TRPC4: variants seen among roughly 807,000 people sequenced by gnomAD.
TRPC4 encodes the protein transient receptor potential cation channel subfamily C member 4.
A neutral mutation model predicts 99.4 loss-of-function variants in TRPC4; 49 were observed. The observed-to-expected ratio is 0.49, with a 90% confidence interval of 0.39 to 0.63. The LOEUF (loss-of-function observed/expected upper bound fraction) is 0.63. TRPC4 is among the 20% of genes least tolerant of loss of function. The pLI is 0.00. For synonymous variants in TRPC4, 454 were observed against 425.9 expected (o/e 1.07, Z -0.81); for missense variants, 898 against 1,152.9 (o/e 0.78, Z 3.20).
intron 1 of TRPC4, among the ~76,000 whole-genome samples, chr13:37,832,195 A>G (rs1244847665): frequency 6.6e-6 from 1 of 152,184 alleles, no homozygotes; most frequent in Non-Finnish European, 1.5e-5. Flanking sequence ...ATAATTTTTT[A>G]AATGACACGA....
intron 2 of TRPC4, among the ~76,000 whole-genome samples, chr13:37,763,437 G>A (rs1185125852): frequency 6.6e-6 from 1 of 151,428 alleles, no homozygotes; most frequent in Non-Finnish European, 1.5e-5. Context: ...AAGAATTGGG[G>A]AGCTTGTTGA....
chr13:37,703,394 T>G (rs1954164124), intron 3 of TRPC4, among the ~76,000 whole-genome samples: 1 of 152,128 alleles, frequency 6.6e-6, no homozygotes, highest in Admixed American at 6.6e-5. Flanking sequence ...TAGCATAATT[T>G]AAGATTTAGA....
chr13:37,640,275 C>T (rs1438906695), intron 8 of TRPC4, among the ~76,000 whole-genome samples: 1 of 151,974 alleles, frequency 6.6e-6, no homozygotes, highest in Non-Finnish European at 1.5e-5. Context: ...GCTCTTGTTC[C>T]TTAATAAATA....
Position 37,783,214 on chromosome 13 carries a change from C to T in TRPC4, c.120G>A (p.Val40=). 1.2e-6 allele frequency: 2 copies of T among 1,613,646 alleles called. No individual in the cohort carries two copies. The highest frequency in any genetic ancestry group is 1.7e-6 in the Non-Finnish European group (2 of 1,179,752). ...SPSEKAYLNA[V]EKGDYASVKK... is the part of the protein sequence containing the mutation. ...TGACACTGGCATAATCTCCCTTTTC[C>T]ACAGCATTCAAGTAGGCTTTTTCTG... The change falls in exon 2 of 11, where the codon GTG becomes GTA. Residue 40 remains valine, a synonymous_variant. Coordinates refer to ENST00000379705, the MANE Select transcript of TRPC4 (RefSeq NM_016179.4).
At chr13:37,859,796 C>T (rs1959215333) in intron 1 of TRPC4, among the ~76,000 whole-genome samples, 1 of 151,250 alleles carries the variant, frequency 6.6e-6, no homozygotes, top group Admixed American at 6.6e-5. Context: ...TCTAGAAAAA[C>T]ATCTGTGATA....
At chr13:37,665,053 A>T (rs1326047494) in intron 5 of TRPC4, among the ~76,000 whole-genome samples, 1 of 149,242 alleles carries the variant, frequency 6.7e-6, no homozygotes, top group Non-Finnish European at 1.5e-5. Flanking sequence ...CTGAAGATAT[A>T]AAAAAAAAAG....
At chr13:37,783,491 G>GT (rs113002348) in intron 1 of TRPC4, 131 bp from the exon 2 acceptor site, 11,956 of 524,060 alleles carry the variant, frequency 0.023, no homozygotes, top group Middle Eastern at 0.031. Flanking sequence ...AAGAGTTAAG[G>GT]TTTTTTTTTT....
At chr13:37,777,347 C>T (rs1956733814) in intron 2 of TRPC4, among the ~76,000 whole-genome samples, 1 of 151,860 alleles carries the variant, frequency 6.6e-6, no homozygotes, top group Admixed American at 6.6e-5. Context: ...GCAAGCATGT[C>T]TTCACACGGC....
Position 37,869,666 on chromosome 13 carries a change from A to G in TRPC4, c.-99T>C, listed in dbSNP as rs1434726013. ...GACGGCGCGGGTGCCGTGCGGGGTGAGAGCACGCCCGGCAAATTCCAATGG... is the reference window on the plus strand; with the variant it reads ...GACGGCGCGGGTGCCGTGCGGGGTGGGAGCACGCCCGGCAAATTCCAATGG... On this transcript the variant is annotated 5_prime_UTR_variant, in exon 1 of 11. Coordinates refer to ENST00000379705, the MANE Select transcript of TRPC4 (RefSeq NM_016179.4). 3 of 152,288 alleles carry G rather than the reference A, an allele frequency of 2.0e-5. No individual in the cohort carries two copies. The highest frequency in any genetic ancestry group is 7.2e-5 in the African/African-American group (3 of 41,452). 9.4% of individuals were successfully genotyped at this position (152,288 alleles called of 1,614,324 possible).
chr13:37,692,784 A>C (rs1953761554), intron 3 of TRPC4, among the ~76,000 whole-genome samples: 1 of 152,190 alleles, frequency 6.6e-6, no homozygotes. Context: ...TACTTTTAAC[A>C]ATTTTCTATA....
At chr13:37,774,691 T>A (rs2139307577) in intron 2 of TRPC4, among the ~76,000 whole-genome samples, 1 of 151,784 alleles carries the variant, frequency 6.6e-6, no homozygotes, top group South Asian at 2.1e-4. Context: ...TGTGTGTCGT[T>A]CTACTCTATG....
chr13:37,827,624 C>T (rs1219503124), intron 1 of TRPC4, among the ~76,000 whole-genome samples: 1 of 152,000 alleles, frequency 6.6e-6, no homozygotes, highest in African/African-American at 2.4e-5. Context: ...AGGCAGTCTG[C>T]CCATTCTCAG....
intron 6 of TRPC4, among the ~76,000 whole-genome samples, chr13:37,658,938 G>GA (rs888525729): frequency 2.0e-5 from 3 of 151,352 alleles, no homozygotes; most frequent in African/African-American, 4.9e-5. Flanking sequence ...GTAGGATTTG[G>GA]AAAAAAAAAT....
intron 8 of TRPC4, among the ~76,000 whole-genome samples, chr13:37,650,474 T>C (rs1952004315): frequency 6.6e-6 from 1 of 152,090 alleles, no homozygotes; most frequent in South Asian, 2.1e-4. Flanking sequence ...TGGAATTGCT[T>C]GAAACCCTGA....
intron 1 of TRPC4, among the ~76,000 whole-genome samples, chr13:37,845,508 A>C (rs556585803): frequency 6.6e-6 from 1 of 152,212 alleles, no homozygotes; most frequent in African/African-American, 2.4e-5. Context: ...GAATACAAAA[A>C]GTGAACTAAA....
chr13:37,799,607 A>G (rs552164682), intron 1 of TRPC4, among the ~76,000 whole-genome samples: 4 of 152,300 alleles, frequency 2.6e-5, no homozygotes, highest in Non-Finnish European at 5.9e-5. Context: ...ATTAAGATGC[A>G]ATTTGTTAAA....
At chr13:37,824,088 T>C (rs1333609551) in intron 1 of TRPC4, among the ~76,000 whole-genome samples, 1 of 148,742 alleles carries the variant, frequency 6.7e-6, no homozygotes, top group Non-Finnish European at 1.5e-5. Flanking sequence ...GTTGTTGGTG[T>C]ATAAGAATGC....
intron 3 of TRPC4, among the ~76,000 whole-genome samples, chr13:37,709,642 G>A (rs1415153015): frequency 6.6e-6 from 1 of 151,718 alleles, no homozygotes; most frequent in Non-Finnish European, 1.5e-5. Context: ...CTGTCCAGTG[G>A]CTCTCATTCT....
chr13:37,675,378 C>A (rs888090631), intron 4 of TRPC4, among the ~76,000 whole-genome samples: 1 of 152,140 alleles, frequency 6.6e-6, no homozygotes, highest in Non-Finnish European at 1.5e-5. Flanking sequence ...GCAGAGTATG[C>A]AAGGAAGAGA....
Sources: gnomAD v4.1 joint callset for allele counts (sites outside exome capture counted in the v4.1 genomes callset) on GRCh38, gnomAD v4.1.1 for gene constraint, MANE v1.5 for transcripts, NCBI Gene and HGNC (gene_info 2026-07-23, HGNC 2026-07-21) for gene names.